Variants in MMP24 observed in about 807,000 individuals in gnomAD.
MMP24 encodes matrix metalloproteinase-24.
A neutral mutation model predicts 62.8 loss-of-function variants in MMP24; 25 were observed. That is an observed-to-expected ratio of 0.40 (90% CI 0.29 to 0.56). The LOEUF is 0.56. MMP24 is among the 20% of genes least tolerant of loss of function. MMP24 has a pLI of 0.50. For missense variants in MMP24, 634 were observed against 853.6 expected, an observed-to-expected ratio of 0.74 and a Z score of 3.21; for synonymous variants, 319 against 350.5, an observed-to-expected ratio of 0.91 and a Z score of 1.00.
chr20:35,260,890 A>AC (rs1181792092), intron 4 of MMP24, among the ~76,000 whole-genome samples: 10 of 151,650 alleles, frequency 6.6e-5, no homozygotes, highest in African/African-American at 2.4e-4. Flanking sequence ...AACAATCCCC[A>AC]CCCCCATGTG....
chr20:35,247,628 G>A (rs888744627), intron 2 of MMP24, among the ~76,000 whole-genome samples: 16 of 152,210 alleles, frequency 1.1e-4, no homozygotes, highest in African/African-American at 3.9e-4. Context: ...TGCTGGGGAT[G>A]GAACCCCACA....
At chr20:35,244,940 T>C (rs2060507093) in intron 1 of MMP24, among the ~76,000 whole-genome samples, 1 of 152,190 alleles carries the variant, frequency 6.6e-6, no homozygotes, top group South Asian at 2.1e-4. Flanking sequence ...AGTCAATTCT[T>C]TTTTATTTAA....
chr20:35,237,452 T>A (rs561560729), intron 1 of MMP24, among the ~76,000 whole-genome samples: 1 of 152,352 alleles, frequency 6.6e-6, no homozygotes, highest in Admixed American at 6.5e-5. Flanking sequence ...GTGATTTCAT[T>A]AGACCCACCT....
At chr20:35,228,505 C>A (rs1250105857) in intron 1 of MMP24, among the ~76,000 whole-genome samples, 2 of 152,152 alleles carry the variant, frequency 1.3e-5, no homozygotes, top group African/African-American at 4.8e-5. Flanking sequence ...GGTGGAAAGA[C>A]CCTGGCCTGG....
At chr20:35,266,176 A>T (rs6060333) in intron 5 of MMP24, among the ~76,000 whole-genome samples, 92 of 9,060 alleles carry the variant, frequency 0.01, no homozygotes, top group African/African-American at 0.022. Flanking sequence ...CATCTCTGCT[A>T]AAAAAAAAAA....
At position 35,275,837 on chromosome 20, in the gene MMP24, C is replaced by T. The variant is rs2146250158; in HGVS notation, c.*1228C>T. On this transcript the variant is annotated 3_prime_UTR_variant, in exon 9 of 9. Transcript: ENST00000246186. ...TCTTCCCACACTGCTCTTAGAAGGA[C>T]ACCCCTACCGGTAGCAGCCCCAAGC... is the stretch of plus-strand genomic sequence containing the variant. 7.6e-6 allele frequency: 3 copies of T among 395,810 alleles called. No individual in the cohort carries two copies. Among genetic ancestry groups the T allele is most frequent in the South Asian group, 1.4e-4 (1 of 6,996 alleles). The allele number at this position is 395,810 out of a possible 1,614,324, so 24.5% of individuals were successfully genotyped here.
rs532608170 is a variant in MMP24 at position 35,274,923 on chromosome 20, A to G, written c.*314A>G. The G allele has an allele frequency of 2.3e-4, 88 of 374,668 alleles. No individual in the cohort carries two copies. The highest frequency in any genetic ancestry group is 1.7e-3 in the African/African-American group (81 of 48,570). The allele number at this position is 374,668 out of a possible 1,614,324, so 23.2% of individuals were successfully genotyped here. On this transcript the variant is annotated 3_prime_UTR_variant, in exon 9 of 9. Coordinates refer to ENST00000246186, the MANE Select transcript of MMP24 (RefSeq NM_006690.4). The surrounding 1 kb of genome is among the most constrained non-coding windows in gnomAD (Gnocchi z 5.1). ...CAGGAGGAGCCCCTGTGGTCACGGC[A>G]TCCTGTGGTGTCCATGAGGTACCAC...
At position 35,263,859 on chromosome 20, in the gene MMP24, C is replaced by A; in HGVS notation, c.886C>A (p.Pro296Thr). The change falls in exon 5 of 9, where the codon CCC becomes ACC. Residue 296 changes from proline to threonine, a missense_variant. Pro to Thr is a conservative substitution (Grantham distance 38, BLOSUM62 -1). Transcript: ENST00000246186. ...HALGLEHSSD[P>T]SAIMAPFYQY... ...GCTGGGACTGGAGCACTCCAGCGAC[C>A]CCAGCGCCATCATGGCGCCCTTCTA... 1 of 1,612,220 alleles carries A rather than the reference C, an allele frequency of 6.2e-7. No individual in the cohort carries two copies. Among genetic ancestry groups the A allele is most frequent in the South Asian group, 1.1e-5 (1 of 90,762 alleles).
Position 35,275,522 on chromosome 20 carries a change from G to C in MMP24, c.*913G>C, listed in dbSNP as rs1015194950. On this transcript the variant is annotated 3_prime_UTR_variant, in exon 9 of 9. Coordinates refer to ENST00000246186, the MANE Select transcript of MMP24 (RefSeq NM_006690.4). ...ACCCCATTTCTGGAGGAAGATCCGAGTTTGTGACCGTCCTCCACTCCCCTC... is the reference window on the plus strand; with the variant it reads ...ACCCCATTTCTGGAGGAAGATCCGACTTTGTGACCGTCCTCCACTCCCCTC... The C allele has an allele frequency of 6.6e-6, 1 of 152,390 alleles. No individual in the cohort carries two copies. Among genetic ancestry groups the C allele is most frequent in the East Asian group, 1.9e-4 (1 of 5,174 alleles). The allele number at this position is 152,390 out of a possible 1,614,324, so 9.4% of individuals were successfully genotyped here.
intron 4 of MMP24, among the ~76,000 whole-genome samples, chr20:35,260,658 A>G (rs1029414902): frequency 1.3e-5 from 2 of 152,244 alleles, no homozygotes; most frequent in Non-Finnish European, 2.9e-5. Flanking sequence ...CTGAGTAAGG[A>G]GCTGGGGGCG....
At chr20:35,234,293 C>T (rs1013220891) in intron 1 of MMP24, among the ~76,000 whole-genome samples, 3 of 152,190 alleles carry the variant, frequency 2.0e-5, no homozygotes, top group Admixed American at 6.5e-5. Context: ...TCCTGCCACA[C>T]ACTTTTGTAG....
chr20:35,248,516 C>G (rs1462592076), intron 2 of MMP24, among the ~76,000 whole-genome samples: 1 of 152,062 alleles, frequency 6.6e-6, no homozygotes, highest in African/African-American at 2.4e-5. Context: ...CCATGTTGGC[C>G]AGGCTGGTCT....
At chr20:35,248,336 C>T (rs2060526716) in intron 2 of MMP24, among the ~76,000 whole-genome samples, 1 of 134,806 alleles carries the variant, frequency 7.4e-6, no homozygotes, top group African/African-American at 2.9e-5. Context: ...GATGAAGTCT[C>T]GATCTGTCAC....
chr20:35,252,154 A>C (rs2060551033), intron 3 of MMP24, 133 bp downstream of exon 3: 1 of 708,068 alleles, frequency 1.4e-6, no homozygotes, highest in Non-Finnish European at 2.4e-6. Flanking sequence ...AGAGCCAGGC[A>C]TGTGGGCATT....
Position 35,274,856 on chromosome 20 carries a change from T to TA in MMP24, c.*249dup, listed in dbSNP as rs986141057. 1 of 538,762 alleles carries TA rather than the reference T, an allele frequency of 1.9e-6. No homozygotes were observed. The highest frequency in any genetic ancestry group is 1.9e-5 in the African/African-American group (1 of 52,646). The allele number at this position is 538,762 out of a possible 1,614,324, so 33.4% of individuals were successfully genotyped here. A position where few individuals can be genotyped will look rare whatever the true frequency, so the allele number is the denominator to read the frequency against. ...TGTCCTGGGCAAACTACTCCCTACTTAAGGGAATAGGCCAGGCTCCATCCG... is the reference window on the plus strand; with the variant it reads ...TGTCCTGGGCAAACTACTCCCTACTTAAAGGGAATAGGCCAGGCTCCATCCG... On this transcript the variant is annotated 3_prime_UTR_variant, in exon 9 of 9. Transcript: ENST00000246186. This position sits in a 1 kb window ranked among gnomAD's most constrained non-coding sequence, Gnocchi z 5.1.
chr20:35,266,960 A>G (rs2146236672), intron 5 of MMP24, among the ~76,000 whole-genome samples: 1 of 152,186 alleles, frequency 6.6e-6, no homozygotes, highest in South Asian at 2.1e-4. Flanking sequence ...AAGGAAGGAC[A>G]TGATTGCTCT....
intron 7 of MMP24, 134 bp downstream of exon 7, chr20:35,270,032 C>A (rs2060660154): frequency 1.7e-6 from 2 of 1,152,048 alleles, no homozygotes; most frequent in Non-Finnish European, 1.2e-6. Flanking sequence ...GAGACACTGA[C>A]CTCTGACAAA....
At chr20:35,254,365 A>G (rs1205898922) in intron 3 of MMP24, 85 bp from the exon 4 acceptor site, 6 of 1,309,286 alleles carry the variant, frequency 4.6e-6, no homozygotes, top group Non-Finnish European at 6.4e-6. Context: ...CAGATCACTG[A>G]GCCACATTGT....
rs774261011 is a variant in MMP24 at position 35,271,743 on chromosome 20, G to A, written c.1508G>A (p.Arg503Gln). The A allele has an allele frequency of 6.9e-6, 11 of 1,597,582 alleles. No individual in the cohort carries two copies. Among genetic ancestry groups the A allele is most frequent in the Admixed American group, 5.2e-5 (3 of 57,294 alleles). Residue 503 changes from arginine to glutamine, a missense_variant, in exon 8 of 9, where the codon CGG (arginine) becomes CAG (glutamine). Transcript: ENST00000246186. This position sits in a 1 kb window ranked among gnomAD's most constrained non-coding sequence, Gnocchi z 4.0. ...GERYWRYSEE[R>Q]RATDPGYPKP... ...CGGTACTGGCGCTACAGCGAGGAGC[G>A]GCGGGCCACGGACCCTGGCTACCCT...
Sources: allele counts gnomAD v4.1 joint callset (sites outside exome capture counted in the v4.1 genomes callset), GRCh38; gene constraint gnomAD v4.1.1; non-coding constraint Gnocchi (gnomAD v3.1); transcripts MANE v1.5; gene names NCBI Gene and HGNC (gene_info 2026-07-23, HGNC 2026-07-21).